VPS13B: variants seen among roughly 807,000 people sequenced by gnomAD.
VPS13B encodes the protein vacuolar protein sorting 13 homolog B.
VPS13B carries 285 observed loss-of-function variants against 426.4 expected under a neutral mutation model. That is an observed-to-expected ratio of 0.67 (90% confidence interval 0.61 to 0.74). The LOEUF (loss-of-function observed/expected upper bound fraction) is 0.74. VPS13B is among the 30% of genes least tolerant of loss of function. The pLI is 0.00. For missense variants in VPS13B, 4,537 were observed against 4,782.6 expected, an observed-to-expected ratio of 0.95 and a Z score of 1.51; for synonymous variants, 1,676 against 1,676.4, an observed-to-expected ratio of 1.00 and a Z score of 0.01.
chr8:99,442,424 G>A lies in VPS13B; in HGVS notation c.3234G>A (p.Val1078=), dbSNP rs1339519603. ...AGCTTGAAGTACAATCTTGTTGTGT[G>A]TTTATTCCAAATGATAGCCTGCCTT... is the stretch of plus-strand genomic sequence containing the variant. The part of the protein sequence containing the change: ...TLQLEVQSCC[V]FIPNDSLPSP... Residue 1078 remains valine (V), a synonymous_variant, in exon 23 of 62, where the codon GTG becomes GTA. Coordinates refer to ENST00000357162, the MANE Select transcript of VPS13B (RefSeq NM_152564.5). The A allele has an allele frequency of 1.2e-6, 2 of 1,613,754 alleles. No individual in the cohort carries two copies. The highest frequency in any genetic ancestry group is 1.3e-5 in the African/African-American group (1 of 74,896).
chr8:99,765,478 G>T (rs555484758), intron 39 of VPS13B, among the ~76,000 whole-genome samples: 1 of 152,316 alleles, frequency 6.6e-6, no homozygotes, highest in South Asian at 2.1e-4. Flanking sequence ...AAGCTAGTAA[G>T]TTATCTTGTT....
Position 99,275,086 on chromosome 8 carries a change from A to C in VPS13B, c.2656A>C (p.Ser886Arg). 2.5e-6 allele frequency: 4 copies of C among 1,601,262 alleles called. No homozygotes were observed. Among genetic ancestry groups the C allele is most frequent in the Non-Finnish European group, 2.6e-6 (3 of 1,175,088 alleles). Reference sequence around the variant, plus strand: ...TTATAAATATTTCTTTTCAGTTGATAGTGGAAAAGAGAAGTTGATTCCCTT... The same window carrying C: ...TTATAAATATTTCTTTTCAGTTGATCGTGGAAAAGAGAAGTTGATTCCCTT... ...IKICAKAPVDSGKEKLIPLLQ... is the reference protein window; with the variant it reads ...IKICAKAPVDRGKEKLIPLLQ... The change falls in exon 19 of 62, where the codon AGT becomes CGT. Residue 886 changes from serine to arginine, a missense_variant. This residue lies in a region of VPS13B where 4,311 missense variants were observed against 4,474.3 expected (regional missense o/e 0.96). Transcript: ENST00000357162.
At chr8:99,715,231 T>C (rs1321977713) in intron 36 of VPS13B, among the ~76,000 whole-genome samples, 1 of 152,092 alleles carries the variant, frequency 6.6e-6, no homozygotes, top group Non-Finnish European at 1.5e-5. Context: ...TTAAGAAACA[T>C]GTTGAGGCAG....
At chr8:99,378,432 G>A (rs1348435620) in intron 19 of VPS13B, among the ~76,000 whole-genome samples, 2 of 152,110 alleles carry the variant, frequency 1.3e-5, no homozygotes, top group African/African-American at 4.8e-5. Context: ...TACATCCTCA[G>A]CTTATGAAGA....
At chr8:99,322,447 C>T (rs1338976531) in intron 19 of VPS13B, among the ~76,000 whole-genome samples, 1 of 152,094 alleles carries the variant, frequency 6.6e-6, no homozygotes, top group Admixed American at 6.6e-5. Context: ...GCTCTGGAGG[C>T]ATGAATGTAA....
At chr8:99,263,273 T>C (rs1818143286) in intron 17 of VPS13B, among the ~76,000 whole-genome samples, 1 of 152,206 alleles carries the variant, frequency 6.6e-6, no homozygotes, top group Non-Finnish European at 1.5e-5. Flanking sequence ...AGAAAGTCAG[T>C]GTTGGCCCTG....
chr8:99,147,862 C>T lies in VPS13B; in HGVS notation c.1865C>T (p.Thr622Ile), dbSNP rs147043610. Reference sequence around the variant, plus strand: ...TTAGATATTAAGGATGAAAATGAAACAATACTGAATCCTGAAGAGGTGGCT... The same window carrying T: ...TTAGATATTAAGGATGAAAATGAAATAATACTGAATCCTGAAGAGGTGGCT... ...LKSDIKDENE[T>I]ILNPEEVALL... Residue 622 changes from threonine (T) to isoleucine (I), a missense_variant, in exon 14 of 62, where the codon ACA becomes ATA. Physicochemically the swap from Thr to Ile is moderately conservative, Grantham distance 89. Coordinates refer to ENST00000357162, the MANE Select transcript of VPS13B (RefSeq NM_152564.5). 1.9e-5 allele frequency: 29 copies of T among 1,543,348 alleles called. No homozygotes were observed. The highest frequency in any genetic ancestry group is 1.4e-4 in the African/African-American group (10 of 73,150).
intron 25 of VPS13B, among the ~76,000 whole-genome samples, chr8:99,483,411 C>A (rs3105169): frequency 0.17 from 26,491 of 152,030 alleles, 2,830 homozygotes; most frequent in East Asian, 0.38. Flanking sequence ...TATTAGCATA[C>A]AAAATCTTTT....
At chr8:99,210,855 C>T (rs1351286395) in intron 17 of VPS13B, among the ~76,000 whole-genome samples, 1 of 152,106 alleles carries the variant, frequency 6.6e-6, no homozygotes, top group Non-Finnish European at 1.5e-5. Context: ...GCCTCAGCCT[C>T]CCAAAGTTCT....
chr8:99,789,811 T>C (rs1005694980), intron 43 of VPS13B, among the ~76,000 whole-genome samples: 3 of 152,118 alleles, frequency 2.0e-5, no homozygotes, highest in Admixed American at 2.0e-4. Context: ...TGAAATTCTA[T>C]GTATACAATG....
At chr8:99,087,311 C>G (rs908824684) in intron 3 of VPS13B, among the ~76,000 whole-genome samples, 1 of 152,130 alleles carries the variant, frequency 6.6e-6, no homozygotes, top group Non-Finnish European at 1.5e-5. Context: ...TGGAAAAGCA[C>G]AGTATTAGGG....
At chr8:99,789,653 A>G (rs915378445) in intron 43 of VPS13B, among the ~76,000 whole-genome samples, 13 of 152,176 alleles carry the variant, frequency 8.5e-5, no homozygotes, top group Non-Finnish European at 1.6e-4. Flanking sequence ...AAAATATTTA[A>G]AGCACCAAAA....
intron 35 of VPS13B, among the ~76,000 whole-genome samples, chr8:99,687,796 C>T (rs998598527): frequency 1.8e-4 from 27 of 152,108 alleles, no homozygotes; most frequent in African/African-American, 5.8e-4. Flanking sequence ...AAAACAGGTA[C>T]GGTGATTGCT....
intron 33 of VPS13B, among the ~76,000 whole-genome samples, chr8:99,621,553 T>C (rs1828349236): frequency 6.6e-6 from 1 of 152,198 alleles, no homozygotes; most frequent in Admixed American, 6.5e-5. Flanking sequence ...TGCTTTATCA[T>C]GCTAACTCCT....
At chr8:99,646,310 T>C (rs1039957145) in intron 34 of VPS13B, among the ~76,000 whole-genome samples, 6 of 151,716 alleles carry the variant, frequency 4.0e-5, no homozygotes, top group African/African-American at 1.5e-4. Context: ...AGCTAAGGAG[T>C]CCAAGACTAG....
chr8:99,748,770 A>C (rs1386542349), intron 39 of VPS13B, among the ~76,000 whole-genome samples: 1 of 151,942 alleles, frequency 6.6e-6, no homozygotes, highest in Non-Finnish European at 1.5e-5. Context: ...ACTCAGGAGT[A>C]TATAGTCTCT....
intron 22 of VPS13B, among the ~76,000 whole-genome samples, chr8:99,441,620 TAAG>T (rs1222615133): frequency 6.6e-6 from 1 of 152,154 alleles, no homozygotes; most frequent in African/African-American, 2.4e-5. Context: ...GCTTCTGAAT[TAAG>T]AAGTCACGAT....
rs1832090942 is a variant in VPS13B, at chr8:99,697,680, G to A, written c.6047-1845G>A. 5 of 643,520 alleles carry A rather than the reference G, an allele frequency of 7.8e-6. No homozygotes were observed. The Admixed American group carries it at 8.6e-5, about 11-fold the overall frequency. 39.9% of individuals were successfully genotyped at this position (643,520 alleles called of 1,614,324 possible). A position where few individuals can be genotyped will look rare whatever the true frequency, so the allele number is the denominator to read the frequency against. On this transcript the variant is annotated intron_variant, in intron 35 of 61. Transcript: ENST00000357162. ...TGCAGCAGATGATCGGGCAGATCGA[G>A]GGCTTGATCTCACACCTGGAGATGG...
At chr8:99,212,129 T>C (rs1588144697) in intron 17 of VPS13B, among the ~76,000 whole-genome samples, 1 of 152,126 alleles carries the variant, frequency 6.6e-6, no homozygotes. Context: ...CTGACCTCAA[T>C]TGATCCGCCC....
Sources: gnomAD v4.1 joint callset for allele counts (sites outside exome capture counted in the v4.1 genomes callset) on GRCh38, gnomAD v4.1.1 for gene constraint, gnomAD v4.1.1 regional missense constraint, MANE v1.5 for transcripts, NCBI Gene and HGNC (gene_info 2026-07-23, HGNC 2026-07-21) for gene names.